SSTR5: variants seen among roughly 807,000 people sequenced by gnomAD.
SSTR5 encodes the protein somatostatin receptor type 5.
SSTR5 carries 1 observed loss-of-function variant against 0.3 expected under a neutral mutation model. The observed-to-expected ratio is 2.98, with a 90% CI of 1.06 to 14.15. The LOEUF is 14.15. Among genes scored for constraint, SSTR5 ranks in the 30% most tolerant of loss-of-function variants. The pLI is 0.12. For missense variants in SSTR5, 516 were observed against 543.2 expected (o/e 0.95, Z 0.50); for synonymous variants, 256 against 263.1 (o/e 0.97, Z 0.26).
In SSTR5 at chr16:1,079,288, A is replaced by G. The variant is rs1056454685; in HGVS notation, c.420A>G (p.Ala140=). 1 of 1,611,566 alleles carries G rather than the reference A, an allele frequency of 6.2e-7. No individual in the cohort carries two copies. The highest frequency in any genetic ancestry group is 1.3e-5 in the African/African-American group (1 of 75,030). The part of the protein sequence containing the change: ...LTVMSVDRYL[A]VVHPLSSARW... ...TCATGAGCGTGGACCGCTACCTGGCAGTGGTGCACCCGCTGAGCTCGGCCC... is the reference window on the plus strand; with the variant it reads ...TCATGAGCGTGGACCGCTACCTGGCGGTGGTGCACCCGCTGAGCTCGGCCC... Residue 140 remains alanine, a synonymous_variant, in exon 2 of 2, where the codon GCA becomes GCG. Transcript: ENST00000689027.
chr16:1,076,572 C>A lies in SSTR5; in HGVS notation c.-27-2270C>A, dbSNP rs1274305966. Among the ~76,000 whole-genome samples, 4 of 151,718 alleles carry A rather than the reference C, an allele frequency of 2.6e-5. No individual in the cohort carries two copies. In the East Asian group the frequency reaches 8.0e-4, roughly 30 times the overall value. On this transcript the variant is annotated intron_variant, in intron 1 of 1. Coordinates refer to ENST00000689027, the MANE Select transcript of SSTR5 (RefSeq NM_001172560.3). The stretch of plus-strand genomic sequence containing the variant: ...ATCCTGTCGCCAGTTCTGGGGGAGC[C>A]CAGCCATGCTCTCCCCCTGCCCACC...
rs2151559756 is a variant in SSTR5, at chr16:1,080,858, A to T, written c.*895A>T. Among the ~76,000 whole-genome samples, 1 of 152,136 alleles carries T rather than the reference A, an allele frequency of 6.6e-6. No homozygotes were observed. The highest frequency in any genetic ancestry group is 2.4e-5 in the African/African-American group (1 of 41,510). On this transcript the variant is annotated 3_prime_UTR_variant, in exon 2 of 2. Transcript: ENST00000689027. The stretch of plus-strand genomic sequence containing the variant: ...GGTGCTCCTGCTGCAGGAGGACCTG[A>T]GGGTCAGGGCTTGGAGAGGACAGGG...
At chr16:1,075,292 CTGGGCTCTGGGCA>C (rs1567384542) in intron 1 of SSTR5, among the ~76,000 whole-genome samples, 1 of 152,152 alleles carries the variant, frequency 6.6e-6, no homozygotes, top group East Asian at 1.9e-4. Context: ...GAGCCCCTCG[CTGGGCTCTGGGCA>C]TGGGAGTGGC....
chr16:1,080,083 C>T lies in SSTR5; in HGVS notation c.*120C>T, dbSNP rs2151559067. The T allele has an allele frequency of 7.4e-7, 1 of 1,348,702 alleles. No homozygotes were observed. Among genetic ancestry groups the T allele is most frequent in the Non-Finnish European group, 9.9e-7 (1 of 1,005,382 alleles). 83.5% of individuals were successfully genotyped at this position (1,348,702 alleles called of 1,614,324 possible). On this transcript the variant is annotated 3_prime_UTR_variant, in exon 2 of 2. Coordinates refer to ENST00000689027, the MANE Select transcript of SSTR5 (RefSeq NM_001172560.3). ...CCCCGGCGGTGGTGTGAGGACAGAG[C>T]TGGCTGAAGCCAGGCTGGGGTAGAC...
In SSTR5 at chr16:1,079,161, C is replaced by T. The variant is rs761743016; in HGVS notation, c.293C>T (p.Thr98Met). ...ATGCTGGGGCTGCCTTTCCTGGCCA[C>T]GCAGAACGCCGCGTCCTTCTGGCCC... ...LYMLGLPFLA[T>M]QNAASFWPFG... Residue 98 changes from threonine to methionine, a missense_variant, in exon 2 of 2, where the codon ACG becomes ATG. Thr to Met is a moderately conservative substitution (Grantham distance 81). Coordinates refer to ENST00000689027, the MANE Select transcript of SSTR5 (RefSeq NM_001172560.3). 14 of 1,612,514 alleles carry T rather than the reference C, an allele frequency of 8.7e-6. No homozygotes were observed. Among genetic ancestry groups the T allele is most frequent in the African/African-American group, 5.3e-5 (4 of 74,948 alleles).
At position 1,079,681 on chromosome 16, in the gene SSTR5, C is replaced by G; in HGVS notation, c.813C>G (p.Asn271Lys). 6.2e-7 allele frequency: 1 copy of G among 1,612,588 alleles called. No individual in the cohort carries two copies. Among genetic ancestry groups the G allele is most frequent in the Non-Finnish European group, 8.5e-7 (1 of 1,179,874 alleles). ...CCTTCTTCACCGTCAACATCGTCAA[C>G]CTGGCCGTGGCGCTGCCCCAGGAGC... Reference protein sequence around the residue: ...WLPFFTVNIVNLAVALPQEPA... With the variant: ...WLPFFTVNIVKLAVALPQEPA... Residue 271 changes from asparagine to lysine, a missense_variant, in exon 2 of 2, where the codon AAC becomes AAG. Asn to Lys is a moderately conservative substitution (Grantham distance 94, BLOSUM62 0). Coordinates refer to ENST00000689027, the MANE Select transcript of SSTR5 (RefSeq NM_001172560.3).
chr16:1,073,397 G>A (rs1464068768), intron 1 of SSTR5, among the ~76,000 whole-genome samples: 1 of 152,226 alleles, frequency 6.6e-6, no homozygotes, highest in Non-Finnish European at 1.5e-5. Context: ...GTGCCTGCGC[G>A]CAGCTGGGTC....
rs183814 is a variant in SSTR5, at chr16:1,080,230, G to A, written c.*267G>A. The A allele has an allele frequency of 4.9e-3, 2,449 of 501,278 alleles. 17 individuals are homozygous for A. Among genetic ancestry groups the A allele is most frequent in the Non-Finnish European group, 6.6e-3 (1,845 of 279,606 alleles). The allele number at this position is 501,278 out of a possible 1,614,324, so 31.1% of individuals were successfully genotyped here. On this transcript the variant is annotated 3_prime_UTR_variant, in exon 2 of 2. Coordinates refer to ENST00000689027, the MANE Select transcript of SSTR5 (RefSeq NM_001172560.3). ...TGGGGGGCTCCGCCATGCCGTGCAA[G>A]TGCTCAGGGCCGCCTCACCCTCCAT...
At position 1,075,970 on chromosome 16, in the gene SSTR5, T is replaced by TCC. The variant is rs1242778827; in HGVS notation, c.-27-2871_-27-2870insCC. Among the ~76,000 whole-genome samples the TCC allele has an allele frequency of 8.7e-3, 13 of 1,490 alleles. 4 individuals carry two copies. Among genetic ancestry groups the TCC allele is most frequent in the East Asian group, 0.043 (2 of 46 alleles). 1.0% of individuals were successfully genotyped at this position (1,490 alleles called of 152,430 possible). A position where few individuals can be genotyped will look rare whatever the true frequency, so the allele number is the denominator to read the frequency against. The stretch of plus-strand genomic sequence containing the variant: ...CTCTCCCTCCCCACCTCCCCCTCTC[T>TCC]CTCCCTCCCCCTCCTCCCCCTCCCT... On this transcript the variant is annotated intron_variant, in intron 1 of 1. Coordinates refer to ENST00000689027, the MANE Select transcript of SSTR5 (RefSeq NM_001172560.3).
chr16:1,078,729 C>T, intron 1 of SSTR5, 113 bp from the exon 2 acceptor site: 1 of 948,698 alleles, frequency 1.1e-6, no homozygotes, highest in Non-Finnish European at 1.6e-6. Flanking sequence ...ATCGTGTTTA[C>T]CCGGTGATCC....
intron 1 of SSTR5, among the ~76,000 whole-genome samples, chr16:1,077,409 C>A (rs1466359941): frequency 6.6e-6 from 1 of 152,196 alleles, no homozygotes; most frequent in African/African-American, 2.4e-5. Context: ...TTCCTCCGCC[C>A]CACTCGTCAG....
In SSTR5 at chr16:1,079,401, C is replaced by T. The variant is rs771347884; in HGVS notation, c.533C>T (p.Ala178Val). 33 of 1,594,842 alleles carry T rather than the reference C, an allele frequency of 2.1e-5. No homozygotes were observed. In the Admixed American group the frequency reaches 2.6e-4, roughly 13 times the overall value. ...ATGTCGCTGCCGCTCCTGGTGTTCG[C>T]GGACGTGCAGGAGGGCGGTACCTGC... is the stretch of plus-strand genomic sequence containing the variant. ...LCMSLPLLVF[A>V]DVQEGGTCNA... The change falls in exon 2 of 2, where the codon GCG (alanine) becomes GTG (valine). Residue 178 changes from alanine (A) to valine (V), a missense_variant. Ala to Val is a moderately conservative substitution (Grantham distance 64, BLOSUM62 0). Coordinates refer to ENST00000689027, the MANE Select transcript of SSTR5 (RefSeq NM_001172560.3).
At chr16:1,078,742 C>T (rs35544879) in intron 1 of SSTR5, 100 bp from the exon 2 acceptor site, 43 of 1,120,426 alleles carry the variant, frequency 3.8e-5, no homozygotes, top group Admixed American at 3.0e-4. Flanking sequence ...GGTGATCCCG[C>T]GCCTCCTGGC....
At position 1,080,064 on chromosome 16, in the gene SSTR5, C is replaced by T. The variant is rs973406763; in HGVS notation, c.*101C>T. 19 of 1,436,362 alleles carry T rather than the reference C, an allele frequency of 1.3e-5. No homozygotes were observed. The highest frequency in any genetic ancestry group is 7.5e-5 in the East Asian group (3 of 40,224). 89.0% of individuals were successfully genotyped at this position (1,436,362 alleles called of 1,614,324 possible). ...ACCTGCCAGTCAGGATGCTCCCCGG[C>T]GGTGGTGTGAGGACAGAGCTGGCTG... On this transcript the variant is annotated 3_prime_UTR_variant, in exon 2 of 2. Transcript: ENST00000689027.
At chr16:1,075,930 C>G (rs1371225454) in intron 1 of SSTR5, among the ~76,000 whole-genome samples, 2 of 59,578 alleles carry the variant, frequency 3.4e-5, no homozygotes, top group Admixed American at 3.3e-4. Context: ...CTCTCTCCCC[C>G]CACCCTGTCT....
chr16:1,075,933 C>T (rs1960187174), intron 1 of SSTR5, among the ~76,000 whole-genome samples: 1 of 78,356 alleles, frequency 1.3e-5, no homozygotes, highest in Admixed American at 1.2e-4. Flanking sequence ...TCTCCCCCCA[C>T]CCTGTCTTTC....
intron 1 of SSTR5, 62 bp from the exon 2 acceptor site, chr16:1,078,780 A>G: frequency 1.3e-6 from 2 of 1,494,388 alleles, no homozygotes; most frequent in Non-Finnish European, 1.8e-6. Flanking sequence ...AGGAGGAAGG[A>G]ATGCCTGCAT....
chr16:1,075,635 A>G (rs1472243622), intron 1 of SSTR5, among the ~76,000 whole-genome samples: 1 of 151,700 alleles, frequency 6.6e-6, no homozygotes, highest in African/African-American at 2.4e-5. Flanking sequence ...ATGGGCCGAA[A>G]GTGCCTCCCC....
chr16:1,080,772 G>A lies in SSTR5; in HGVS notation c.*809G>A, dbSNP rs955141500. On this transcript the variant is annotated 3_prime_UTR_variant, in exon 2 of 2. Coordinates refer to ENST00000689027, the MANE Select transcript of SSTR5 (RefSeq NM_001172560.3). ...TGCTGGGGGTGCAGATGGCTGTGCC[G>A]TGCTGAGATTGGCTCTGTCTGGAGG... 6.6e-6 allele frequency among the ~76,000 whole-genome samples: 1 copy of A among 152,190 alleles called. No homozygotes were observed.
Sources: allele counts gnomAD v4.1 joint callset (sites outside exome capture counted in the v4.1 genomes callset), GRCh38; gene constraint gnomAD v4.1.1; transcripts MANE v1.5; gene names NCBI Gene and HGNC (gene_info 2026-07-23, HGNC 2026-07-21).